TYW1B: variants seen among roughly 807,000 people sequenced by gnomAD.
TYW1B encodes the protein tRNA-yW synthesizing protein 1 homolog B.
Under a neutral mutation model 86.9 loss-of-function variants are expected in TYW1B, and 73 were observed. That is an observed-to-expected ratio of 0.84 (90% CI 0.70 to 1.02). The LOEUF (loss-of-function observed/expected upper bound fraction) is 1.02, where lower values mean the gene tolerates loss of function less well. Ranked by LOEUF, TYW1B falls within the 50% of genes least tolerant of loss-of-function variation. TYW1B has a pLI of 0.00. For synonymous variants in TYW1B, 248 were observed against 292.8 expected, an observed-to-expected ratio of 0.85 and a Z score of 1.56; for missense variants, 637 against 827.4, an observed-to-expected ratio of 0.77 and a Z score of 2.82.
intron 11 of TYW1B, among the ~76,000 whole-genome samples, chr7:72,668,406 A>G (rs1364486790): frequency 6.6e-6 from 1 of 152,236 alleles, no homozygotes; most frequent in Admixed American, 6.5e-5. Flanking sequence ...GCCTTTTAAA[A>G]GCTCTCTCAG....
intron 11 of TYW1B, among the ~76,000 whole-genome samples, chr7:72,686,754 G>A (rs1435232307): frequency 2.0e-5 from 3 of 152,124 alleles, no homozygotes; most frequent in East Asian, 3.8e-4. Context: ...TAATAAATGT[G>A]CCACTCTTGT....
chr7:72,624,584 G>A (rs1585856784), intron 12 of TYW1B, among the ~76,000 whole-genome samples: 1 of 152,200 alleles, frequency 6.6e-6, no homozygotes, highest in East Asian at 1.9e-4. Flanking sequence ...TCATTAACTT[G>A]CTGGACAAAT....
Position 72,828,188 on chromosome 7 carries a change from G to C in TYW1B, c.-113C>G, listed in dbSNP as rs1788980425. 2 of 1,562,376 alleles carry C rather than the reference G, an allele frequency of 1.3e-6. No individual in the cohort carries two copies. Among genetic ancestry groups the C allele is most frequent in the African/African-American group, 1.4e-5 (1 of 73,930 alleles). On this transcript the variant is annotated 5_prime_UTR_variant, in exon 1 of 14. Coordinates refer to ENST00000620995, the MANE Select transcript of TYW1B (RefSeq NM_001145440.3). Reference sequence around the variant, plus strand: ...CGCGGCGTTAGCGCCGTACCGAGTGGCTGCAGAACTGTGGGCAGCTACGAC... The same window carrying C: ...CGCGGCGTTAGCGCCGTACCGAGTGCCTGCAGAACTGTGGGCAGCTACGAC...
At chr7:72,593,177 A>T (rs1230370306) in intron 13 of TYW1B, among the ~76,000 whole-genome samples, 1 of 152,032 alleles carries the variant, frequency 6.6e-6, no homozygotes, top group African/African-American at 2.4e-5. Flanking sequence ...CTGTAATCCC[A>T]GCTACTCGGG....
intron 6 of TYW1B, among the ~76,000 whole-genome samples, chr7:72,781,893 A>C (rs1788055944): frequency 6.6e-6 from 1 of 152,222 alleles, no homozygotes; most frequent in Non-Finnish European, 1.5e-5. Context: ...GAATACACAA[A>C]ACATTCTTTA....
intron 11 of TYW1B, among the ~76,000 whole-genome samples, chr7:72,660,721 T>C (rs1385197108): frequency 6.6e-6 from 1 of 152,054 alleles, no homozygotes; most frequent in Non-Finnish European, 1.5e-5. Flanking sequence ...GACCTAGGTA[T>C]TGGTAAGAGA....
chr7:72,646,643 G>C (rs1389249847), intron 11 of TYW1B, among the ~76,000 whole-genome samples: 5 of 152,092 alleles, frequency 3.3e-5, no homozygotes, highest in Non-Finnish European at 7.4e-5. Flanking sequence ...CAGAGTGCTG[G>C]GATTACAGGT....
At chr7:72,749,548 T>C (rs1184955685) in intron 7 of TYW1B, among the ~76,000 whole-genome samples, 13 of 152,288 alleles carry the variant, frequency 8.5e-5, no homozygotes, top group Admixed American at 7.2e-4. Flanking sequence ...CACCCCGGCC[T>C]CCCAAAGTGC....
chr7:72,621,168 GTCTC>G (rs1375661973), intron 12 of TYW1B, among the ~76,000 whole-genome samples: 2 of 152,114 alleles, frequency 1.3e-5, no homozygotes, highest in Non-Finnish European at 2.9e-5. Context: ...CCGTCTGTCT[GTCTC>G]TCTTTCTCTG....
chr7:72,620,406 C>CAA (rs1554437763), intron 12 of TYW1B, among the ~76,000 whole-genome samples: 1 of 152,034 alleles, frequency 6.6e-6, no homozygotes, highest in African/African-American at 2.4e-5. Context: ...CAAAACAAAA[C>CAA]AAAACAAAAA....
chr7:72,582,492 A>G (rs1811178136), intron 13 of TYW1B, among the ~76,000 whole-genome samples: 2 of 152,232 alleles, frequency 1.3e-5, no homozygotes, highest in African/African-American at 4.8e-5. Flanking sequence ...GGAGAATGAA[A>G]ACACGTTTGG....
At chr7:72,656,100 G>C (rs1554443582) in intron 11 of TYW1B, among the ~76,000 whole-genome samples, 1 of 152,084 alleles carries the variant, frequency 6.6e-6, no homozygotes, top group African/African-American at 2.4e-5. Context: ...ACCACTGACT[G>C]GCGCCTTACA....
At chr7:72,601,158 A>T (rs1444676702) in intron 13 of TYW1B, among the ~76,000 whole-genome samples, 2 of 152,014 alleles carry the variant, frequency 1.3e-5, no homozygotes, top group African/African-American at 2.4e-5. Context: ...TAAAAAAAAA[A>T]AATAAAAATA....
intron 13 of TYW1B, among the ~76,000 whole-genome samples, chr7:72,577,873 TG>T (rs1811061999): frequency 6.6e-6 from 1 of 152,210 alleles, no homozygotes; most frequent in Admixed American, 6.5e-5. Flanking sequence ...TCCTCTGCTC[TG>T]GGGAGTCTTC....
intron 7 of TYW1B, among the ~76,000 whole-genome samples, chr7:72,761,674 A>G (rs1787688194): frequency 6.6e-6 from 1 of 151,992 alleles, no homozygotes; most frequent in East Asian, 1.9e-4. Flanking sequence ...TTTAAAGGCT[A>G]TTTCAAAATA....
intron 11 of TYW1B, among the ~76,000 whole-genome samples, chr7:72,662,428 T>G (rs1221743675): frequency 2.8e-4 from 29 of 102,616 alleles, no homozygotes; most frequent in African/African-American, 9.6e-4. Flanking sequence ...TATATATATA[T>G]AGATAGATAG....
chr7:72,660,045 G>A (rs1209245620), intron 11 of TYW1B, among the ~76,000 whole-genome samples: 2 of 152,086 alleles, frequency 1.3e-5, no homozygotes, highest in African/African-American at 4.8e-5. Context: ...CTGCCAGTGT[G>A]GCAGGAAAGC....
At chr7:72,614,645 AAAAG>A (rs1253280571) in intron 13 of TYW1B, among the ~76,000 whole-genome samples, 2 of 151,780 alleles carry the variant, frequency 1.3e-5, no homozygotes, top group African/African-American at 2.4e-5. Context: ...AAAAAAAAAA[AAAAG>A]AAACACAGAG....
At chr7:72,810,049 G>C (rs868928780) in intron 4 of TYW1B, among the ~76,000 whole-genome samples, 42 of 150,048 alleles carry the variant, frequency 2.8e-4, no homozygotes, top group Middle Eastern at 7.0e-3. Context: ...GGCTCACTTT[G>C]GGCAGATCAC....
Sources: allele counts gnomAD v4.1 joint callset (sites outside exome capture counted in the v4.1 genomes callset), GRCh38; gene constraint gnomAD v4.1.1; transcripts MANE v1.5; gene names NCBI Gene and HGNC (gene_info 2026-07-23, HGNC 2026-07-21).